Variants in CYRIB observed in about 807,000 individuals in gnomAD.
The protein encoded by CYRIB is CYFIP related Rac1 interactor B, also known as CYFIP-related Rac1 interactor B.
In CYRIB, 8 loss-of-function variants were observed where a neutral mutation model predicts 44.2. The ratio of observed to expected loss-of-function variants is 0.18; its 90% CI spans 0.11 to 0.33. The LOEUF is 0.33. Among genes scored for constraint, CYRIB ranks in the 10% least tolerant of loss-of-function variants. The probability of loss-of-function intolerance (pLI) is 1.00; values close to 1 mark genes in which losing one functional copy is unlikely to be tolerated. For missense variants in CYRIB, 185 were observed against 382.8 expected (o/e 0.48, Z 4.31); for synonymous variants, 131 against 127.2 (o/e 1.03, Z -0.20).
At chr8:129,899,583 T>C (rs114384607) in intron 2 of CYRIB, among the ~76,000 whole-genome samples, 8 of 152,372 alleles carry the variant, frequency 5.3e-5, no homozygotes, top group African/African-American at 1.7e-4. Flanking sequence ...GAATTTTTAC[T>C]GTCAACCTAC....
chr8:130,010,015 C>T lies in CYRIB; in HGVS notation c.-296+6355G>A, dbSNP rs61076631. Reference sequence around the variant, plus strand: ...AGAATGGAGCTTTTCTTCCTCCTACCGCCCAAGCCTTTCCCATCCTTAACT... The same window carrying T: ...AGAATGGAGCTTTTCTTCCTCCTACTGCCCAAGCCTTTCCCATCCTTAACT... On this transcript the variant is annotated intron_variant, in intron 1 of 14. Transcript: ENST00000401979. 4.0e-3 allele frequency among the ~76,000 whole-genome samples: 611 copies of T among 152,310 alleles called. 4 individuals carry two copies. Among genetic ancestry groups the T allele is most frequent in the African/African-American group, 0.014 (585 of 41,564 alleles).
At position 129,871,499 on chromosome 8, in the gene CYRIB, A is replaced by C. The variant is rs554195280; in HGVS notation, c.74-3T>G. 1.2e-6 allele frequency: 2 copies of C among 1,606,632 alleles called. No homozygotes were observed. Among genetic ancestry groups the C allele is most frequent in the Non-Finnish European group, 1.7e-6 (2 of 1,177,700 alleles). ...CTCAGACTCTGTAGGCTGGGCATCT[A>C]AACAGCAGGAAAGCACAAGAAAATT... On this transcript the variant is annotated splice_polypyrimidine_tract_variant and splice_region_variant and intron_variant, in intron 3 of 11. Coordinates refer to ENST00000519824, the Ensembl canonical transcript of CYRIB.
At chr8:130,004,810 A>G (rs1320756652) in intron 1 of CYRIB, among the ~76,000 whole-genome samples, 1 of 130,474 alleles carries the variant, frequency 7.7e-6, no homozygotes, top group African/African-American at 3.0e-5. Flanking sequence ...TTTGTTGCCC[A>G]GGCTGGAGTG....
At chr8:129,869,269 C>T (rs769797930) in intron 4 of CYRIB, among the ~76,000 whole-genome samples, 1 of 150,630 alleles carries the variant, frequency 6.6e-6, no homozygotes, top group Non-Finnish European at 1.5e-5. Context: ...GCCTGTAATC[C>T]CAGCTACTCG....
chr8:129,929,684 G>A (rs1428679845), intron 1 of CYRIB, among the ~76,000 whole-genome samples: 4 of 152,186 alleles, frequency 2.6e-5, no homozygotes, highest in East Asian at 3.9e-4. Context: ...CCAAAATGGC[G>A]TACATACCAC....
chr8:129,987,782 G>C (rs1314162421), intron 1 of CYRIB, among the ~76,000 whole-genome samples: 1 of 151,972 alleles, frequency 6.6e-6, no homozygotes, highest in Non-Finnish European at 1.5e-5. Context: ...ATGTTGGCCA[G>C]GCTGGTCTCA....
chr8:129,861,569 G>A (rs983377855), intron 5 of CYRIB, among the ~76,000 whole-genome samples: 1 of 151,722 alleles, frequency 6.6e-6, no homozygotes, highest in Non-Finnish European at 1.5e-5. Flanking sequence ...CTCCAGAGTA[G>A]ATGAGACCAC....
intron 2 of CYRIB, among the ~76,000 whole-genome samples, chr8:129,944,871 T>G (rs1289138791): frequency 6.6e-6 from 1 of 152,158 alleles, no homozygotes; most frequent in Non-Finnish European, 1.5e-5. Flanking sequence ...TCCCAATACT[T>G]TTTCATATTT....
intron 3 of CYRIB, among the ~76,000 whole-genome samples, chr8:129,875,166 G>A (rs951698947): frequency 6.6e-6 from 1 of 152,162 alleles, no homozygotes; most frequent in African/African-American, 2.4e-5. Context: ...GGAAGTTACT[G>A]AGGCTAAAGA....
chr8:129,906,211 G>A (rs948088304), intron 1 of CYRIB, among the ~76,000 whole-genome samples: 3 of 152,190 alleles, frequency 2.0e-5, no homozygotes, highest in Middle Eastern at 3.4e-3. Flanking sequence ...ATACTACAAG[G>A]CTACAGTAAC....
chr8:129,895,271 C>G (rs955501908), intron 2 of CYRIB, among the ~76,000 whole-genome samples: 7 of 151,434 alleles, frequency 4.6e-5, no homozygotes, highest in Non-Finnish European at 7.4e-5. Context: ...TCCTAAAGTG[C>G]TGGGATTACA....
At chr8:130,009,113 G>A (rs926712440) in intron 1 of CYRIB, among the ~76,000 whole-genome samples, 1 of 152,234 alleles carries the variant, frequency 6.6e-6, no homozygotes, top group African/African-American at 2.4e-5. Context: ...ATGTGCAAAA[G>A]ACTTCACAGT....
At chr8:129,997,224 G>T (rs1372109107) in intron 1 of CYRIB, among the ~76,000 whole-genome samples, 1 of 152,060 alleles carries the variant, frequency 6.6e-6, no homozygotes, top group Non-Finnish European at 1.5e-5. Flanking sequence ...TATTGGGGGC[G>T]AGGAGACACC....
chr8:129,944,025 C>T (rs1368386621), upstream of CYRIB, among the ~76,000 whole-genome samples: 1 of 151,392 alleles, frequency 6.6e-6, no homozygotes, highest in Non-Finnish European at 1.5e-5. Flanking sequence ...TGTGGGGGTG[C>T]TGTGACACAC....
intron 2 of CYRIB, among the ~76,000 whole-genome samples, chr8:129,892,973 G>A (rs2066128881): frequency 6.6e-6 from 1 of 152,134 alleles, no homozygotes; most frequent in African/African-American, 2.4e-5. Flanking sequence ...GGATTTGTGG[G>A]AGTTTTATTT....
At chr8:129,861,790 C>T (rs116421734) in intron 5 of CYRIB, among the ~76,000 whole-genome samples, 291 of 152,154 alleles carry the variant, frequency 1.9e-3, no homozygotes, top group African/African-American at 6.3e-3. Flanking sequence ...ATGAATTAAG[C>T]GTAACCAGTA....
At chr8:129,957,976 AAAAAATAC>A (rs1268490434) in intron 2 of CYRIB, among the ~76,000 whole-genome samples, 12 of 151,140 alleles carry the variant, frequency 7.9e-5, no homozygotes, top group African/African-American at 2.9e-4. Context: ...AAAAAAAAAA[AAAAAATAC>A]AAAAAATACA....
exon 4 of CYRIB, chr8:129,871,488 G>T: frequency 6.2e-7 from 1 of 1,607,552 alleles, no homozygotes; most frequent in Non-Finnish European, 8.5e-7. Flanking sequence ...GACTCTGTAG[G>T]CTGGGCATCT....
intron 2 of CYRIB, among the ~76,000 whole-genome samples, chr8:129,954,868 G>C (rs748449968): frequency 1.3e-5 from 2 of 152,278 alleles, no homozygotes; most frequent in Admixed American, 1.3e-4. Context: ...TGATCTTTCA[G>C]GGTAAAAGTA....
Sources: gnomAD v4.1 joint callset for allele counts (sites outside exome capture counted in the v4.1 genomes callset) on GRCh38, gnomAD v4.1.1 for gene constraint, MANE v1.5 for transcripts, NCBI Gene and HGNC (gene_info 2026-07-23, HGNC 2026-07-21) for gene names.